ABI2: variants seen among roughly 807,000 people sequenced by gnomAD.
ABI2 encodes the protein abelson interactor 2.
A neutral mutation model predicts 59.2 loss-of-function variants in ABI2; 25 were observed. The observed-to-expected ratio is 0.42, with a 90% confidence interval of 0.31 to 0.59. The LOEUF (loss-of-function observed/expected upper bound fraction) is 0.59, where lower values mean the gene tolerates loss of function less well. ABI2 is among the 20% of genes least tolerant of loss of function. ABI2 has a pLI of 0.14. For synonymous variants in ABI2, 213 were observed against 235.5 expected, an observed-to-expected ratio of 0.90 and a Z score of 0.87; for missense variants, 545 against 681.8, an observed-to-expected ratio of 0.80 and a Z score of 2.23.
chr2:203,416,318 T>A (rs2097891184), intron 10 of ABI2, among the ~76,000 whole-genome samples: 1 of 152,202 alleles, frequency 6.6e-6, no homozygotes, highest in Non-Finnish European at 1.5e-5. Flanking sequence ...TTGTTGTTTT[T>A]GAGATGCGGT....
intron 10 of ABI2, among the ~76,000 whole-genome samples, chr2:203,414,484 TCTTC>T: frequency 6.6e-6 from 1 of 152,298 alleles, no homozygotes; most frequent in African/African-American, 2.4e-5. Context: ...TAACTCTTAC[TCTTC>T]CTTCAGGTTT....
intron 1 of ABI2, among the ~76,000 whole-genome samples, chr2:203,331,956 C>G (rs1385378903): frequency 6.6e-6 from 1 of 151,680 alleles, no homozygotes; most frequent in Non-Finnish European, 1.5e-5. Context: ...ATTACAGGCA[C>G]GTGCCAACAC....
At chr2:203,370,773 A>C (rs984780478) in intron 2 of ABI2, among the ~76,000 whole-genome samples, 3 of 152,202 alleles carry the variant, frequency 2.0e-5, no homozygotes, top group African/African-American at 7.2e-5. Flanking sequence ...TGGAGGGTTC[A>C]GTCAGGTCAA....
At position 203,393,811 on chromosome 2, in the gene ABI2, CTGTTTATCATTGTCATAAAGAAT is replaced by C. The variant is rs2096866959; in HGVS notation, c.579-887_579-865del. Among the ~76,000 whole-genome samples, 3 of 151,786 alleles carry C rather than the reference CTGTTTATCATTGTCATAAAGAAT, an allele frequency of 2.0e-5. No individual in the cohort carries two copies. In the South Asian group the frequency reaches 6.2e-4, roughly 32 times the overall value. On this transcript the variant is annotated intron_variant, in intron 5 of 11. Transcript: ENST00000261018. ...ATCTCATCTACAATATGTCAATTGACTGTTTATCATTGTCATAAAGAATTTGGAAACCTAAGTAGAAATGAGAA... is the reference window on the plus strand; with the variant it reads ...ATCTCATCTACAATATGTCAATTGACTTGGAAACCTAAGTAGAAATGAGAA...
intron 10 of ABI2, among the ~76,000 whole-genome samples, chr2:203,412,091 A>G (rs1228603031): frequency 6.6e-6 from 1 of 152,238 alleles, no homozygotes; most frequent in African/African-American, 2.4e-5. Flanking sequence ...GGAGAATGAT[A>G]TTAAAGATCT....
At chr2:203,374,770 A>G (rs1001182085) in intron 2 of ABI2, 3 of 439,128 alleles carry the variant, frequency 6.8e-6, no homozygotes, top group Non-Finnish European at 1.4e-5. Context: ...AGACATATTT[A>G]AAAACACCCA....
rs1451943725 is a variant in ABI2 at position 203,391,064 on chromosome 2, A to C, written c.499A>C (p.Lys167Gln). ...TTTTTAGGTGAGTACCCAGAACATGAAGATGGGTGGGCTGCCGCGTACAAC... is the reference window on the plus strand; with the variant it reads ...TTTTTAGGTGAGTACCCAGAACATGCAGATGGGTGGGCTGCCGCGTACAAC... The part of the protein sequence containing the change: ...LRFKVSTQNM[K>Q]MGGLPRTTPP... Residue 167 changes from lysine (K) to glutamine (Q), a missense_variant, in exon 5 of 12, where the codon AAG becomes CAG. Physicochemically the swap from Lys to Gln is moderately conservative, Grantham distance 53. Around this residue, in one of 4 missense-constraint regions of ABI2, gnomAD observed 410 missense variants for 435.6 expected, o/e 0.94. Transcript: ENST00000261018. 2 of 1,613,750 alleles carry C rather than the reference A, an allele frequency of 1.2e-6. No individual in the cohort carries two copies. Among genetic ancestry groups the C allele is most frequent in the East Asian group, 4.5e-5 (2 of 44,876 alleles).
At chr2:203,426,909 A>C (rs1308196748) in intron 11 of ABI2, among the ~76,000 whole-genome samples, 1 of 151,994 alleles carries the variant, frequency 6.6e-6, no homozygotes, top group East Asian at 1.9e-4. Context: ...TAGGCTCTTA[A>C]AAGGTCATCA....
intron 4 of ABI2, chr2:203,383,110 A>AAT (rs1262479709): frequency 6.5e-6 from 1 of 154,716 alleles, no homozygotes; most frequent in East Asian, 1.9e-4. Flanking sequence ...TTTATTTTCA[A>AAT]ATATATATTC....
At chr2:203,328,701 G>A (rs2152160440) in intron 1 of ABI2, 70 bp downstream of exon 1, 2 of 1,052,048 alleles carry the variant, frequency 1.9e-6, no homozygotes, top group Non-Finnish European at 2.6e-6. Flanking sequence ...CGGGGCGTGG[G>A]GCCGAGGCCG....
At chr2:203,416,578 G>A (rs1467590112) in intron 10 of ABI2, among the ~76,000 whole-genome samples, 1 of 152,134 alleles carries the variant, frequency 6.6e-6, no homozygotes, top group Non-Finnish European at 1.5e-5. Flanking sequence ...TTACAGGCGC[G>A]AGCCACCGCT....
intron 4 of ABI2, among the ~76,000 whole-genome samples, chr2:203,390,633 GA>G (rs974010366): frequency 1.5e-4 from 21 of 141,582 alleles, no homozygotes; most frequent in Admixed American, 2.8e-4. Context: ...CTCTGTCTCA[GA>G]AAAAAAAAAA....
At chr2:203,410,063 C>T (rs1227475386) in intron 9 of ABI2, among the ~76,000 whole-genome samples, 4 of 152,172 alleles carry the variant, frequency 2.6e-5, no homozygotes, top group African/African-American at 9.7e-5. Flanking sequence ...TGCCTCTGAG[C>T]CTTTACCCTC....
intron 4 of ABI2, among the ~76,000 whole-genome samples, chr2:203,387,348 A>G (rs1343929126): frequency 6.6e-6 from 1 of 152,232 alleles, no homozygotes; most frequent in Admixed American, 6.5e-5. Context: ...GGAGCATTGT[A>G]GAAAAAGTAT....
chr2:203,396,321 A>C (rs1268247007), intron 7 of ABI2, among the ~76,000 whole-genome samples: 1 of 152,238 alleles, frequency 6.6e-6, no homozygotes, highest in Non-Finnish European at 1.5e-5. Context: ...ATTTACTTAT[A>C]GTAACAAGTA....
At chr2:203,335,459 A>G (rs1243863201) in intron 1 of ABI2, among the ~76,000 whole-genome samples, 1 of 151,986 alleles carries the variant, frequency 6.6e-6, no homozygotes, top group Non-Finnish European at 1.5e-5. Context: ...ATGGGATCTC[A>G]CTATGTTGCT....
chr2:203,339,026 A>C (rs1166728289), intron 1 of ABI2, among the ~76,000 whole-genome samples: 1 of 127,696 alleles, frequency 7.8e-6, no homozygotes, highest in Non-Finnish European at 1.6e-5. Context: ...CATACAACTT[A>C]ATAGCAAAAA....
chr2:203,355,813 A>G (rs1340613226), intron 1 of ABI2, among the ~76,000 whole-genome samples: 1 of 146,078 alleles, frequency 6.8e-6, no homozygotes, highest in Admixed American at 6.9e-5. Context: ...CCTGGGCAAC[A>G]AGAGCAAAAC....
rs1430229208 is a variant in ABI2 at position 203,431,003 on chromosome 2, T to C, written c.*3651T>C. On this transcript the variant is annotated 3_prime_UTR_variant, in exon 12 of 12. Coordinates refer to ENST00000261018, the MANE Select transcript of ABI2 (RefSeq NM_001375670.1). ...TCTTTTCTCCTTTGTGGAGACAGCATGACATGTCCTGAAGGTCACCTTTGC... is the reference window on the plus strand; with the variant it reads ...TCTTTTCTCCTTTGTGGAGACAGCACGACATGTCCTGAAGGTCACCTTTGC... 6.6e-6 allele frequency: 1 copy of C among 152,250 alleles called. No homozygotes were observed. The highest frequency in any genetic ancestry group is 2.4e-5 in the African/African-American group (1 of 41,460). The allele number at this position is 152,250 out of a possible 1,614,324, so 9.4% of individuals were successfully genotyped here. A position where few individuals can be genotyped will look rare whatever the true frequency, so the allele number is the denominator to read the frequency against.
Sources: gnomAD v4.1 joint callset for allele counts (sites outside exome capture counted in the v4.1 genomes callset) on GRCh38, gnomAD v4.1.1 for gene constraint, gnomAD v4.1.1 regional missense constraint, MANE v1.5 for transcripts, NCBI Gene and HGNC (gene_info 2026-07-23, HGNC 2026-07-21) for gene names.